Variants in SUGCT observed in about 807,000 individuals in gnomAD.
SUGCT encodes succinyl-CoA:glutarate CoA-transferase.
Under a neutral mutation model 55.0 loss-of-function variants are expected in SUGCT, and 41 were observed. The observed-to-expected ratio is 0.74, with a 90% confidence interval of 0.58 to 0.97. SUGCT has a LOEUF of 0.97. SUGCT is among the 50% of genes least tolerant of loss of function. The probability of loss-of-function intolerance (pLI) is 0.00; values close to 1 mark genes in which losing one functional copy is unlikely to be tolerated. For missense variants in SUGCT, 568 were observed against 547.8 expected (o/e 1.04, Z -0.37); for synonymous variants, 187 against 200.4 (o/e 0.93, Z 0.56).
At chr7:40,664,781 C>A (rs1801519255) in intron 12 of SUGCT, among the ~76,000 whole-genome samples, 1 of 151,678 alleles carries the variant, frequency 6.6e-6, no homozygotes, top group Admixed American at 6.6e-5. Flanking sequence ...GAGATCGAGA[C>A]CATCCTGGCT....
chr7:40,636,034 G>A (rs1019641312), intron 12 of SUGCT, among the ~76,000 whole-genome samples: 3 of 152,168 alleles, frequency 2.0e-5, no homozygotes, highest in Non-Finnish European at 4.4e-5. Context: ...GTGATGTACT[G>A]GCCAGCATTC....
At chr7:40,550,602 G>T (rs777161613) in intron 12 of SUGCT, among the ~76,000 whole-genome samples, 1 of 152,154 alleles carries the variant, frequency 6.6e-6, no homozygotes, top group African/African-American at 2.4e-5. Context: ...ATAACCAAAA[G>T]CATTTATTTC....
intron 12 of SUGCT, among the ~76,000 whole-genome samples, chr7:40,593,905 G>T (rs1055040371): frequency 6.6e-6 from 1 of 152,054 alleles, no homozygotes; most frequent in African/African-American, 2.4e-5. Context: ...ATTCACAATA[G>T]CAAAGACTTG....
chr7:40,564,399 A>G (rs999162359), intron 12 of SUGCT, among the ~76,000 whole-genome samples: 1 of 152,220 alleles, frequency 6.6e-6, no homozygotes, highest in Non-Finnish European at 1.5e-5. Flanking sequence ...AAATAAATAA[A>G]TAAAATAAAA....
intron 9 of SUGCT, among the ~76,000 whole-genome samples, chr7:40,322,649 C>T (rs1305110981): frequency 6.6e-6 from 1 of 152,176 alleles, no homozygotes; most frequent in East Asian, 1.9e-4. Context: ...GAGAATAAGA[C>T]TGTAACCTTT....
intron 9 of SUGCT, among the ~76,000 whole-genome samples, chr7:40,421,916 C>A (rs1303270566): frequency 6.6e-6 from 1 of 152,096 alleles, no homozygotes; most frequent in African/African-American, 2.4e-5. Context: ...GACCTTCTAG[C>A]TTTGGGCCAT....
chr7:40,398,559 A>G (rs1465471175), intron 9 of SUGCT, among the ~76,000 whole-genome samples: 1 of 146,314 alleles, frequency 6.8e-6, no homozygotes, highest in Admixed American at 6.9e-5. Context: ...ATCTCCCTAA[A>G]TTATGCTTCC....
intron 6 of SUGCT, among the ~76,000 whole-genome samples, chr7:40,229,802 G>A (rs1246349418): frequency 7.7e-6 from 1 of 129,640 alleles, no homozygotes. Context: ...CACAGATCAA[G>A]ACTCTGTCTC....
intron 12 of SUGCT, among the ~76,000 whole-genome samples, chr7:40,743,960 C>T (rs1349276097): frequency 3.9e-5 from 6 of 152,054 alleles, no homozygotes; most frequent in South Asian, 2.1e-4. Context: ...CTTGCTCTGT[C>T]GCCCAGGCTG....
chr7:40,658,535 T>A (rs1801139152), intron 12 of SUGCT, among the ~76,000 whole-genome samples: 3 of 152,156 alleles, frequency 2.0e-5, no homozygotes. Flanking sequence ...GTCAGGGAAC[T>A]AGCAAAGGCA....
rs527943078 is a variant in SUGCT at position 40,147,198 on chromosome 7, T to C, written c.100+12078T>C. Among the ~76,000 whole-genome samples, 109 of 152,224 alleles carry C rather than the reference T, an allele frequency of 7.2e-4. No homozygotes were observed. The Middle Eastern group carries it at 0.01, about 14-fold the overall frequency. On this transcript the variant is annotated intron_variant, in intron 1 of 13. Transcript: ENST00000335693. ...GAGGGACCAGCAGGAGTGGACCTAC[T>C]CTTTCTTCCCTAGAGAAGAAAGGAA... is the stretch of plus-strand genomic sequence containing the variant.
chr7:40,900,658 C>T, the SUGCT span, among the ~76,000 whole-genome samples: 2,218 of 152,246 alleles, frequency 0.015, 55 homozygotes, highest in African/African-American at 0.051. Context: ...AAGGTCCTTG[C>T]CAGTGAAGAG....
the SUGCT span, among the ~76,000 whole-genome samples, chr7:40,871,606 G>T: frequency 1.3e-5 from 2 of 152,132 alleles, no homozygotes; most frequent in African/African-American, 4.8e-5. Flanking sequence ...ATAATGAATT[G>T]TAAACTCAGA....
the SUGCT span, among the ~76,000 whole-genome samples, chr7:40,901,065 GT>G: frequency 6.6e-6 from 1 of 152,182 alleles, no homozygotes; most frequent in African/African-American, 2.4e-5. Context: ...TTAGCTGATT[GT>G]TTTAGGTTTT....
Position 40,809,504 on chromosome 7 carries a change from A to C in SUGCT, c.1154-50812A>C, listed in dbSNP as rs955419372. On this transcript the variant is annotated intron_variant, in intron 13 of 13. Transcript: ENST00000335693. ...CTACCATCAGCAGAATCTAGAATTA[A>C]CTTAAAGAGGTTACTTTAACCTAGT... Among the ~76,000 whole-genome samples the C allele has an allele frequency of 4.6e-5, 7 of 152,266 alleles. No individual in the cohort carries two copies. The East Asian group carries it at 1.2e-3, about 25-fold the overall frequency.
chr7:40,248,881 C>T lies in SUGCT; in HGVS notation c.576+11155C>T, dbSNP rs914480234. Among the ~76,000 whole-genome samples, 15 of 135,996 alleles carry T rather than the reference C, an allele frequency of 1.1e-4. No homozygotes were observed. The South Asian group carries it at 1.4e-3, about 13-fold the overall frequency. The allele number at this position is 135,996 out of a possible 152,430, so 89.2% of individuals were successfully genotyped here. ...GATGTGGCTCTTTCCAGCGCGCGCG[C>T]GCGCTCGCACACACACACACACACA... On this transcript the variant is annotated intron_variant, in intron 7 of 13. Transcript: ENST00000335693.
chr7:40,547,553 T>G (rs1795058158), intron 12 of SUGCT, among the ~76,000 whole-genome samples: 1 of 152,220 alleles, frequency 6.6e-6, no homozygotes. Context: ...ATGCCAACAT[T>G]GAGTTCCAGA....
At chr7:40,395,553 C>T (rs2151310765) in intron 9 of SUGCT, among the ~76,000 whole-genome samples, 1 of 145,338 alleles carries the variant, frequency 6.9e-6, no homozygotes, top group Admixed American at 6.9e-5. Context: ...CTCTGCTGTA[C>T]TGAGTCAGAA....
intron 12 of SUGCT, among the ~76,000 whole-genome samples, chr7:40,620,948 T>G (rs539900192): frequency 6.4e-4 from 97 of 152,284 alleles, no homozygotes; most frequent in African/African-American, 2.2e-3. Context: ...TCAGATCTAT[T>G]TTTTGTATTT....
Sources: gnomAD v4.1 joint callset for allele counts (sites outside exome capture counted in the v4.1 genomes callset) on GRCh38, gnomAD v4.1.1 for gene constraint, MANE v1.5 for transcripts, NCBI Gene and HGNC (gene_info 2026-07-23, HGNC 2026-07-21) for gene names.